KCND3: variants seen among roughly 807,000 people sequenced by gnomAD.
The protein encoded by KCND3 is A-type voltage-gated potassium channel KCND3.
KCND3 carries 9 observed loss-of-function variants against 51.1 expected under a neutral mutation model. The observed-to-expected ratio is 0.18, with a 90% CI of 0.11 to 0.31. The LOEUF is 0.31. Ranked by LOEUF, KCND3 falls within the 10% of genes least tolerant of loss-of-function variation. The pLI is 1.00. For missense variants in KCND3, 526 were observed against 903.8 expected, an observed-to-expected ratio of 0.58 and a Z score of 5.36; for synonymous variants, 349 against 368.0, an observed-to-expected ratio of 0.95 and a Z score of 0.59.
At chr1:111,881,201 G>C (rs1396796985) in intron 2 of KCND3, among the ~76,000 whole-genome samples, 3 of 152,218 alleles carry the variant, frequency 2.0e-5, no homozygotes, top group East Asian at 1.9e-4. Context: ...TTCCTACCCA[G>C]AGAGATGCAT....
At chr1:111,806,855 G>C (rs1034693055) in intron 2 of KCND3, among the ~76,000 whole-genome samples, 1 of 152,144 alleles carries the variant, frequency 6.6e-6, no homozygotes, top group African/African-American at 2.4e-5. Context: ...CTCTAAGATA[G>C]GAAGCCTAAA....
chr1:111,881,689 T>C (rs1669333210), intron 2 of KCND3, among the ~76,000 whole-genome samples: 1 of 152,132 alleles, frequency 6.6e-6, no homozygotes, highest in African/African-American at 2.4e-5. Context: ...GTCAGTTCAT[T>C]CTGCAGCTGT....
chr1:111,944,945 T>A lies in KCND3; in HGVS notation c.1106+36676A>T, dbSNP rs1343451577. 2.6e-5 allele frequency among the ~76,000 whole-genome samples: 4 copies of A among 152,220 alleles called. No individual in the cohort carries two copies. In the East Asian group the frequency reaches 7.7e-4, roughly 29 times the overall value. On this transcript the variant is annotated intron_variant, in intron 2 of 7. Transcript: ENST00000302127. Reference sequence around the variant, plus strand: ...GCTGTGCTGCCAATTGTCTGCCTGCTTCTGTCACTCAACCATGAGCCCCAT... The same window carrying A: ...GCTGTGCTGCCAATTGTCTGCCTGCATCTGTCACTCAACCATGAGCCCCAT...
At chr1:111,836,059 A>C (rs563573243) in intron 2 of KCND3, among the ~76,000 whole-genome samples, 1 of 152,214 alleles carries the variant, frequency 6.6e-6, no homozygotes, top group Non-Finnish European at 1.5e-5. Flanking sequence ...ATGTGGTAAC[A>C]TCTTCAGAAA....
intron 2 of KCND3, among the ~76,000 whole-genome samples, chr1:111,911,986 G>C (rs12729215): frequency 2.0e-5 from 3 of 152,186 alleles, no homozygotes; most frequent in Non-Finnish European, 4.4e-5. Flanking sequence ...GGCAGCTAGA[G>C]TGTGCAGGCA....
At chr1:111,898,085 C>G (rs983689511) in intron 2 of KCND3, among the ~76,000 whole-genome samples, 1 of 152,146 alleles carries the variant, frequency 6.6e-6, no homozygotes, top group African/African-American at 2.4e-5. Context: ...ACCTATGACC[C>G]TACGCATGGT....
chr1:111,829,944 T>A (rs777097637), intron 2 of KCND3, among the ~76,000 whole-genome samples: 5 of 152,182 alleles, frequency 3.3e-5, no homozygotes, highest in Non-Finnish European at 7.3e-5. Context: ...GACCCTCTCA[T>A]GTTCTCGCCT....
chr1:111,797,279 A>C (rs962682384), intron 2 of KCND3, among the ~76,000 whole-genome samples: 5 of 152,212 alleles, frequency 3.3e-5, no homozygotes, highest in African/African-American at 1.2e-4. Context: ...GGGTCATAGC[A>C]ACCAGCTTCA....
chr1:111,793,652 T>C (rs541016215), intron 2 of KCND3, among the ~76,000 whole-genome samples: 12 of 152,330 alleles, frequency 7.9e-5, no homozygotes, highest in Admixed American at 7.8e-4. Context: ...ATGAGTGTAA[T>C]GACCGTGGTG....
intron 3 of KCND3, among the ~76,000 whole-genome samples, chr1:111,784,079 C>T (rs754661775): frequency 9.5e-5 from 14 of 148,046 alleles, no homozygotes; most frequent in South Asian, 2.2e-4. Flanking sequence ...GTCTCTTGAC[C>T]GTGGCAGTGG....
chr1:111,899,972 A>T (rs1028302634), intron 2 of KCND3, among the ~76,000 whole-genome samples: 1 of 152,152 alleles, frequency 6.6e-6, no homozygotes, highest in Non-Finnish European at 1.5e-5. Context: ...GATCACGGGC[A>T]CTGATCGGGG....
rs1241886969 is a variant in KCND3 at position 111,929,313 on chromosome 1, T to G, written c.1106+52308A>C. On this transcript the variant is annotated intron_variant, in intron 2 of 7. Transcript: ENST00000302127. Reference sequence around the variant, plus strand: ...GCACCACTGGCTGACTTTACCCAAGTGGTTTCCAGATGCTGGGACTCCCAG... The same window carrying G: ...GCACCACTGGCTGACTTTACCCAAGGGGTTTCCAGATGCTGGGACTCCCAG... 3.3e-5 allele frequency among the ~76,000 whole-genome samples: 5 copies of G among 152,156 alleles called. No homozygotes were observed. The East Asian group carries it at 9.6e-4, about 29-fold the overall frequency.
chr1:111,960,272 C>T (rs1343371226), intron 2 of KCND3, among the ~76,000 whole-genome samples: 3 of 152,180 alleles, frequency 2.0e-5, no homozygotes, highest in African/African-American at 7.2e-5. Context: ...CACAGCAGAC[C>T]CCATGTAAAT....
chr1:111,822,271 G>A (rs563903538), intron 2 of KCND3, among the ~76,000 whole-genome samples: 2 of 151,920 alleles, frequency 1.3e-5, no homozygotes, highest in African/African-American at 4.8e-5. Flanking sequence ...GTGATTTTTA[G>A]GCGTACTGTT....
At chr1:111,828,251 T>C (rs1329396810) in intron 2 of KCND3, among the ~76,000 whole-genome samples, 1 of 152,182 alleles carries the variant, frequency 6.6e-6, no homozygotes. Flanking sequence ...CTCACAGAGC[T>C]TGGTATTCAC....
Position 111,813,424 on chromosome 1 carries a change from C to T in KCND3, c.1107-26318G>A, listed in dbSNP as rs560465946. Reference sequence around the variant, plus strand: ...AGAGCTGAAGCCAAGTCTCTTCTCCCTCAGCAGGGGCCTGTCTGGTCTTCT... The same window carrying T: ...AGAGCTGAAGCCAAGTCTCTTCTCCTTCAGCAGGGGCCTGTCTGGTCTTCT... On this transcript the variant is annotated intron_variant, in intron 2 of 7. Transcript: ENST00000302127. 2.2e-3 allele frequency among the ~76,000 whole-genome samples: 340 copies of T among 152,372 alleles called. 5 individuals are homozygous for T. The highest frequency in any genetic ancestry group is 8.0e-3 in the African/African-American group (332 of 41,592).
chr1:111,826,226 A>G (rs1666565424), intron 2 of KCND3, among the ~76,000 whole-genome samples: 1 of 152,186 alleles, frequency 6.6e-6, no homozygotes, highest in African/African-American at 2.4e-5. Context: ...CAATTTATCC[A>G]ATATTTGCTG....
At chr1:111,792,514 C>T (rs954507983) in intron 2 of KCND3, among the ~76,000 whole-genome samples, 1 of 152,120 alleles carries the variant, frequency 6.6e-6, no homozygotes. Flanking sequence ...GAGCTTAGCC[C>T]CTTCTCTCCA....
At chr1:111,893,968 C>T (rs1057029598) in intron 2 of KCND3, among the ~76,000 whole-genome samples, 2 of 152,168 alleles carry the variant, frequency 1.3e-5, no homozygotes, top group Non-Finnish European at 2.9e-5. Context: ...ACTTGGCCTT[C>T]TCCTGGGGCT....
Sources: gnomAD v4.1 joint callset for allele counts (sites outside exome capture counted in the v4.1 genomes callset) on GRCh38, gnomAD v4.1.1 for gene constraint, MANE v1.5 for transcripts, NCBI Gene and HGNC (gene_info 2026-07-23, HGNC 2026-07-21) for gene names.